Variants in STXBP5L observed in about 807,000 individuals in gnomAD.
The protein encoded by STXBP5L is syntaxin binding protein 5L.
STXBP5L carries 65 observed loss-of-function variants against 144.5 expected under a neutral mutation model. The observed-to-expected ratio is 0.45, with a 90% confidence interval of 0.37 to 0.55. STXBP5L has a LOEUF of 0.55. Among genes scored for constraint, STXBP5L ranks in the 20% least tolerant of loss-of-function variants. STXBP5L has a pLI of 0.00. For missense variants in STXBP5L, 1,298 were observed against 1,405.5 expected, an observed-to-expected ratio of 0.92 and a Z score of 1.22; for synonymous variants, 505 against 469.6, an observed-to-expected ratio of 1.08 and a Z score of -0.97.
At position 121,287,313 on chromosome 3, in the gene STXBP5L, C is replaced by T. The variant is rs181188797; in HGVS notation, c.2110+7357C>T. On this transcript the variant is annotated intron_variant, in intron 19 of 26. Transcript: ENST00000471454. Reference sequence around the variant, plus strand: ...AGGTAAATAGTCTTTATTCACAGAACACATGATTGTCTATGAAGAAAACTT... The same window carrying T: ...AGGTAAATAGTCTTTATTCACAGAATACATGATTGTCTATGAAGAAAACTT... Among the ~76,000 whole-genome samples the T allele has an allele frequency of 1.4e-3, 208 of 152,250 alleles. 1 individual carries two copies. The highest frequency in any genetic ancestry group is 4.8e-3 in the African/African-American group (200 of 41,546).
At chr3:121,365,974 T>C (rs2045853755) in intron 20 of STXBP5L, among the ~76,000 whole-genome samples, 2 of 151,960 alleles carry the variant, frequency 1.3e-5, no homozygotes, top group Non-Finnish European at 2.9e-5. Context: ...TTTGTTTTCA[T>C]TTATCTCTAA....
At chr3:121,280,287 A>G (rs1281757041) in intron 19 of STXBP5L, among the ~76,000 whole-genome samples, 3 of 151,848 alleles carry the variant, frequency 2.0e-5, no homozygotes, top group African/African-American at 7.2e-5. Context: ...GTTGAAAAAA[A>G]CTGCTTGCAA....
intron 20 of STXBP5L, among the ~76,000 whole-genome samples, chr3:121,348,433 C>A (rs1229879331): frequency 6.6e-6 from 1 of 151,918 alleles, no homozygotes; most frequent in African/African-American, 2.4e-5. Context: ...TTTGTTGTGT[C>A]TCTGTCAGGC....
chr3:121,298,470 G>A lies in STXBP5L; in HGVS notation c.2110+18514G>A, dbSNP rs72968064. 2.6e-3 allele frequency among the ~76,000 whole-genome samples: 403 copies of A among 152,258 alleles called. 2 individuals are homozygous for A. The highest frequency in any genetic ancestry group is 9.1e-3 in the African/African-American group (377 of 41,564). On this transcript the variant is annotated intron_variant, in intron 19 of 26. Transcript: ENST00000471454. ...GCACAGGTAATAAAGGCAAAAATAC[G>A]TAAGTGATACCGCATCAAACTAAAA...
intron 2 of STXBP5L, among the ~76,000 whole-genome samples, chr3:120,925,657 T>G (rs1709587666): frequency 6.6e-6 from 1 of 152,208 alleles, no homozygotes; most frequent in South Asian, 2.1e-4. Context: ...TATTGATAAG[T>G]AAGGATTTAC....
chr3:121,053,554 T>C (rs955249193), intron 5 of STXBP5L, among the ~76,000 whole-genome samples: 4 of 150,798 alleles, frequency 2.7e-5, no homozygotes, highest in African/African-American at 9.7e-5. Flanking sequence ...GAAAGCTGAA[T>C]TTGGATCCCT....
intron 10 of STXBP5L, among the ~76,000 whole-genome samples, chr3:121,209,417 GT>G (rs1182292039): frequency 6.6e-6 from 1 of 151,596 alleles, no homozygotes; most frequent in South Asian, 2.1e-4. Flanking sequence ...ATTTTTTTAT[GT>G]TTTTTTATTT....
chr3:121,409,926 A>G (rs192747014), intron 23 of STXBP5L, among the ~76,000 whole-genome samples: 3 of 151,892 alleles, frequency 2.0e-5, no homozygotes, highest in Admixed American at 1.3e-4. Context: ...AAAGTCGCTT[A>G]AGAGTGAAAC....
chr3:121,108,314 G>A (rs1219469153), intron 5 of STXBP5L, among the ~76,000 whole-genome samples: 1 of 152,134 alleles, frequency 6.6e-6, no homozygotes, highest in Non-Finnish European at 1.5e-5. Flanking sequence ...AATGCTTCCA[G>A]CTTTTGCTCA....
rs1577037733 is a variant in STXBP5L at position 121,134,881 on chromosome 3, T to C, written c.669+13177T>C. ...CAATAAACATACATGTGCATGTGCC[T>C]TTATAGCAGCATGATTTATAATCCT... On this transcript the variant is annotated intron_variant, in intron 7 of 26. Transcript: ENST00000471454. Among the ~76,000 whole-genome samples the C allele has an allele frequency of 2.6e-5, 4 of 152,230 alleles. No homozygotes were observed. The East Asian group carries it at 7.7e-4, about 29-fold the overall frequency.
chr3:121,307,327 A>G (rs1457366806), intron 19 of STXBP5L, among the ~76,000 whole-genome samples: 1 of 152,214 alleles, frequency 6.6e-6, no homozygotes, highest in Non-Finnish European at 1.5e-5. Context: ...TTCCTGTGAG[A>G]AGGCCCAGAT....
chr3:120,975,680 T>C (rs1472398174), intron 3 of STXBP5L, among the ~76,000 whole-genome samples: 4 of 152,148 alleles, frequency 2.6e-5, no homozygotes, highest in African/African-American at 9.7e-5. Context: ...GGCTGTAGGT[T>C]TGTCATAGAT....
intron 19 of STXBP5L, among the ~76,000 whole-genome samples, chr3:121,311,249 T>A (rs1411643532): frequency 6.6e-6 from 1 of 152,180 alleles, no homozygotes; most frequent in East Asian, 1.9e-4. Context: ...CAATTGGAAC[T>A]CCCGTAAGTT....
At chr3:121,203,194 TC>T (rs1320865184) in intron 9 of STXBP5L, among the ~76,000 whole-genome samples, 1 of 152,134 alleles carries the variant, frequency 6.6e-6, no homozygotes, top group Non-Finnish European at 1.5e-5. Flanking sequence ...TTTACACTCA[TC>T]ACTCCCTAAC....
At position 121,296,467 on chromosome 3, in the gene STXBP5L, C is replaced by A. The variant is rs527286612; in HGVS notation, c.2110+16511C>A. On this transcript the variant is annotated intron_variant, in intron 19 of 26. Transcript: ENST00000471454. Reference sequence around the variant, plus strand: ...TTAAAAGATGTAAAAGACCTTAATCCCCATGGTAGGAACAATGATGAAAAC... The same window carrying A: ...TTAAAAGATGTAAAAGACCTTAATCACCATGGTAGGAACAATGATGAAAAC... 3.3e-5 allele frequency among the ~76,000 whole-genome samples: 5 copies of A among 152,194 alleles called. No individual in the cohort carries two copies. The East Asian group carries it at 9.7e-4, about 29-fold the overall frequency.
intron 2 of STXBP5L, among the ~76,000 whole-genome samples, chr3:120,933,213 A>G (rs1258969558): frequency 6.6e-6 from 1 of 152,060 alleles, no homozygotes; most frequent in Non-Finnish European, 1.5e-5. Context: ...AAAAAAAGAA[A>G]TAAAATTAAA....
chr3:121,189,479 A>G (rs1319131610), intron 9 of STXBP5L, among the ~76,000 whole-genome samples: 2 of 152,178 alleles, frequency 1.3e-5, no homozygotes, highest in African/African-American at 4.8e-5. Flanking sequence ...TAAACAGGGA[A>G]TCCTTTCCTC....
intron 5 of STXBP5L, among the ~76,000 whole-genome samples, chr3:121,093,184 T>C (rs1460446114): frequency 6.6e-6 from 1 of 152,254 alleles, no homozygotes; most frequent in African/African-American, 2.4e-5. Context: ...CAGTATTTTA[T>C]TGAGGATTTT....
rs1469277380 is a variant in STXBP5L, at chr3:120,947,492, C to T, written c.190-7448C>T. ...ATAACCCACCCACCATACAATTCAC[C>T]TATTTAAAGTGTACATTTCAGTGGT... On this transcript the variant is annotated intron_variant, in intron 2 of 26. Coordinates refer to ENST00000471454, the MANE Select transcript of STXBP5L (RefSeq NM_001308330.2). 2.0e-5 allele frequency among the ~76,000 whole-genome samples: 3 copies of T among 151,736 alleles called. No individual in the cohort carries two copies. In the Admixed American group the frequency reaches 2.0e-4, roughly 10 times the overall value.
Sources: gnomAD v4.1 joint callset for allele counts (sites outside exome capture counted in the v4.1 genomes callset) on GRCh38, gnomAD v4.1.1 for gene constraint, MANE v1.5 for transcripts, NCBI Gene and HGNC (gene_info 2026-07-23, HGNC 2026-07-21) for gene names.